EP300: variants seen among roughly 807,000 people sequenced by gnomAD.
EP300 encodes EP300 lysine acetyltransferase.
In EP300, 31 loss-of-function variants were observed where a neutral mutation model predicts 264.0. That is an observed-to-expected ratio of 0.12 (90% CI 0.09 to 0.16). The LOEUF (loss-of-function observed/expected upper bound fraction) is 0.16. Among genes scored for constraint, EP300 ranks in the 10% least tolerant of loss-of-function variants. The probability of loss-of-function intolerance (pLI) is 1.00; values close to 1 mark genes in which losing one functional copy is unlikely to be tolerated. For missense variants in EP300, 2,766 were observed against 3,052.9 expected (o/e 0.91, Z 2.21); for synonymous variants, 1,340 against 1,045.4 (o/e 1.28, Z -5.44).
intron 30 of EP300, 69 bp from the exon 31 acceptor site, chr22:41,176,704 A>G: frequency 6.2e-7 from 1 of 1,613,208 alleles, no homozygotes; most frequent in Non-Finnish European, 8.5e-7. Flanking sequence ...TAGCCCAAAC[A>G]ATATCTAAAA....
In EP300 at chr22:41,117,476, G is replaced by A. The variant is rs1244840343; in HGVS notation, c.384G>A (p.Gln128=). ...INSMVKSPMT[Q]AGLTSPNMGM... is the part of the protein sequence containing the mutation. ...GCATGGTCAAAAGCCCAATGACACA[G>A]GCAGGCTTGACTTCTCCCAACATGG... The change falls in exon 2 of 31, where the codon CAG becomes CAA. Residue 128 remains glutamine (Q), a synonymous_variant. Coordinates refer to ENST00000263253, the MANE Select transcript of EP300 (RefSeq NM_001429.4). 1.9e-6 allele frequency: 3 copies of A among 1,613,768 alleles called. No individual in the cohort carries two copies. The highest frequency in any genetic ancestry group is 2.5e-6 in the Non-Finnish European group (3 of 1,179,654).
chr22:41,113,154 T>TCCGC (rs146149759), intron 1 of EP300, among the ~76,000 whole-genome samples: 1 of 68,336 alleles, frequency 1.5e-5, no homozygotes, highest in African/African-American at 5.4e-5. Flanking sequence ...GAATCAGGAT[T>TCCGC]CCACCCCCCC....
chr22:41,165,445 C>T (rs1357356037), intron 22 of EP300, among the ~76,000 whole-genome samples: 8 of 152,058 alleles, frequency 5.3e-5, no homozygotes, highest in African/African-American at 1.9e-4. Flanking sequence ...TTTTTTGAGA[C>T]AGAGTTTCGC....
rs2059177183 is a variant in EP300, at chr22:41,172,637, G to A, written c.4591G>A (p.Glu1531Lys). 6.2e-7 allele frequency: 1 copy of A among 1,613,472 alleles called. No homozygotes were observed. The highest frequency in any genetic ancestry group is 8.5e-7 in the Non-Finnish European group (1 of 1,179,698). Residue 1531 changes from glutamate (E) to lysine (K), a missense_variant, in exon 28 of 31, where the codon GAA (glutamate) becomes AAA (lysine). Coordinates refer to ENST00000263253, the MANE Select transcript of EP300 (RefSeq NM_001429.4). ...EQEEEERKRE[E>K]NTSNESTDVT... ...GGAGGAAGAAGAGAGAAAACGAGAG[G>A]AAAACACCAGCAATGAAAGCACAGA...
At chr22:41,115,090 T>C (rs999042227) in intron 1 of EP300, among the ~76,000 whole-genome samples, 1 of 152,184 alleles carries the variant, frequency 6.6e-6, no homozygotes, top group Non-Finnish European at 1.5e-5. Flanking sequence ...TGTACCACTA[T>C]GCCCAACACC....
rs111315183 is a variant in EP300, at chr22:41,178,128, C to T, written c.6417C>T (p.Gly2139=). The T allele has an allele frequency of 7.5e-4, 1,212 of 1,614,116 alleles. No individual in the cohort carries two copies. Among genetic ancestry groups the T allele is most frequent in the Non-Finnish European group, 9.4e-4 (1,106 of 1,180,006 alleles). ...AGAACATGAATCCAATGCAGGCGGGCGTTCAGAGGGCTGGCCTGCCCCAGC... is the reference window on the plus strand; with the variant it reads ...AGAACATGAATCCAATGCAGGCGGGTGTTCAGAGGGCTGGCCTGCCCCAGC... The part of the protein sequence containing the change: ...AMQNMNPMQA[G]VQRAGLPQQQ... Residue 2139 remains glycine, a synonymous_variant, in exon 31 of 31, where the codon GGC becomes GGT. Transcript: ENST00000263253.
chr22:41,168,766 C>A lies in EP300; in HGVS notation c.4071C>A (p.Thr1357=), dbSNP rs770914844. The change falls in exon 25 of 31, where the codon ACC becomes ACA. Residue 1357 remains threonine (T), a synonymous_variant. Transcript: ENST00000263253. ...GEMAESFPYR[T]KALFAFEEID... is the part of the protein sequence containing the mutation. ...TGGCAGAATCCTTTCCATACCGAAC[C>A]AAAGCCCTCTTTGCCTTTGAAGAAA... 6.2e-7 allele frequency: 1 copy of A among 1,614,162 alleles called. No homozygotes were observed. Among genetic ancestry groups the A allele is most frequent in the Non-Finnish European group, 8.5e-7 (1 of 1,180,036 alleles).
chr22:41,173,938 C>G (rs1260156110), intron 29 of EP300, among the ~76,000 whole-genome samples, 154 bp downstream of exon 29: 1 of 151,878 alleles, frequency 6.6e-6, no homozygotes. Context: ...ACGGTGAAAC[C>G]TTGCTCTACT....
At chr22:41,138,927 C>A (rs913485563) in intron 8 of EP300, among the ~76,000 whole-genome samples, 8 of 151,822 alleles carry the variant, frequency 5.3e-5, no homozygotes, top group Admixed American at 1.3e-4. Context: ...GCTTGCTAAT[C>A]ATTTAGGATT....
chr22:41,169,177 TATATC>T (rs1286731229), intron 25 of EP300: 21 of 548,332 alleles, frequency 3.8e-5, no homozygotes, highest in Admixed American at 6.2e-5. Context: ...TATGTGAAAA[TATATC>T]ATACAAATCG....
chr22:41,113,164 C>CCCG (rs1347489616), intron 1 of EP300, among the ~76,000 whole-genome samples: 2 of 142,656 alleles, frequency 1.4e-5, no homozygotes, highest in Non-Finnish European at 3.1e-5. Context: ...TCCACCCCCC[C>CCCG]CCCAACTTAT....
chr22:41,151,906 C>T lies in EP300; in HGVS notation c.2891C>T (p.Ser964Phe). 1 of 1,614,028 alleles carries T rather than the reference C, an allele frequency of 6.2e-7. No homozygotes were observed. Among genetic ancestry groups the T allele is most frequent in the Non-Finnish European group, 8.5e-7 (1 of 1,180,000 alleles). The change falls in exon 15 of 31, where the codon TCT becomes TTT. Residue 964 changes from serine (S) to phenylalanine (F), a missense_variant. Coordinates refer to ENST00000263253, the MANE Select transcript of EP300 (RefSeq NM_001429.4). ...TCTACTAGTAGCACAGAAGTGAATTCTCAGGCCATTGCTGAGAAGCAGCCT... is the reference window on the plus strand; with the variant it reads ...TCTACTAGTAGCACAGAAGTGAATTTTCAGGCCATTGCTGAGAAGCAGCCT... ...PPSTSSTEVNSQAIAEKQPSQ... is the reference protein window; with the variant it reads ...PPSTSSTEVNFQAIAEKQPSQ...
At chr22:41,115,351 C>T (rs2058815112) in intron 1 of EP300, among the ~76,000 whole-genome samples, 1 of 152,188 alleles carries the variant, frequency 6.6e-6, no homozygotes, top group Non-Finnish European at 1.5e-5. Flanking sequence ...CCTCCACCCA[C>T]AACAAAGAAT....
At chr22:41,111,167 C>T (rs1417751225) in intron 1 of EP300, among the ~76,000 whole-genome samples, 1 of 151,666 alleles carries the variant, frequency 6.6e-6, no homozygotes, top group African/African-American at 2.4e-5. Context: ...GGTTTCACCA[C>T]GTTGGCCAGG....
chr22:41,121,316 A>G (rs1171268077), intron 2 of EP300, among the ~76,000 whole-genome samples: 1 of 152,202 alleles, frequency 6.6e-6, no homozygotes, highest in African/African-American at 2.4e-5. Context: ...GCTATGGAGA[A>G]AGAAACAAGA....
intron 4 of EP300, among the ~76,000 whole-genome samples, chr22:41,128,728 G>A (rs1035995450): frequency 2.6e-5 from 4 of 152,050 alleles, no homozygotes; most frequent in Admixed American, 1.3e-4. Context: ...GGCCAGGATC[G>A]TCTCAATCTC....
At chr22:41,160,140 T>G (rs552868217) in intron 19 of EP300, 1 of 163,792 alleles carries the variant, frequency 6.1e-6, no homozygotes, top group Non-Finnish European at 1.3e-5. Flanking sequence ...TCCTTCTTCC[T>G]CCTTTTGATT....
At position 41,178,308 on chromosome 22, in the gene EP300, AGGAATAGGCCCT is replaced by A. The variant is rs779971529; in HGVS notation, c.6603_6614del (p.Ile2201_Gly2204del). ...AGCAGCAGCAACAGGGAGCAGGGCCAGGAATAGGCCCTGGAATGGCCAACCATAACCAGTTCC... is the reference window on the plus strand; with the variant it reads ...AGCAGCAGCAACAGGGAGCAGGGCCAGGAATGGCCAACCATAACCAGTTCC... On this transcript the variant is annotated inframe_deletion, in exon 31 of 31. Transcript: ENST00000263253. 1 of 1,614,208 alleles carries A rather than the reference AGGAATAGGCCCT, an allele frequency of 6.2e-7. No individual in the cohort carries two copies. Among genetic ancestry groups the A allele is most frequent in the Non-Finnish European group, 8.5e-7 (1 of 1,180,034 alleles).
chr22:41,148,024 TTCTC>T (rs2059022390), intron 12 of EP300, 78 bp downstream of exon 12: 6 of 982,382 alleles, frequency 6.1e-6, no homozygotes, highest in Middle Eastern at 2.2e-4. Context: ...ACTTTATAAA[TTCTC>T]ACAGTCATTT....
Sources: allele counts gnomAD v4.1 joint callset (sites outside exome capture counted in the v4.1 genomes callset), GRCh38; gene constraint gnomAD v4.1.1; transcripts MANE v1.5; gene names NCBI Gene and HGNC (gene_info 2026-07-23, HGNC 2026-07-21).